The following PTPRD variants were observed in gnomAD, a reference collection of about 807,000 sequenced individuals.
The protein encoded by PTPRD is receptor-type tyrosine-protein phosphatase delta.
PTPRD carries 34 observed loss-of-function variants against 214.5 expected under a neutral mutation model. That is an observed-to-expected ratio of 0.16 (90% CI 0.12 to 0.21). The LOEUF (loss-of-function observed/expected upper bound fraction) is 0.21. PTPRD is among the 10% of genes least tolerant of loss of function. The probability of loss-of-function intolerance (pLI) is 1.00; values close to 1 mark genes in which losing one functional copy is unlikely to be tolerated. For missense variants in PTPRD, 2,545 were observed against 2,398.7 expected (o/e 1.06, Z -1.27); for synonymous variants, 1,128 against 845.7 (o/e 1.33, Z -5.79).
chr9:8,446,226 G>T (rs908690699), intron 34 of PTPRD, among the ~76,000 whole-genome samples: 1 of 152,126 alleles, frequency 6.6e-6, no homozygotes, highest in Non-Finnish European at 1.5e-5. Context: ...GTTCTTTGAC[G>T]TACTTAGATT....
chr9:9,958,394 G>C (rs963646422), intron 4 of PTPRD, among the ~76,000 whole-genome samples: 1 of 152,214 alleles, frequency 6.6e-6, no homozygotes, highest in African/African-American at 2.4e-5. Flanking sequence ...AGCTGGGCGT[G>C]GTGGCACGCA....
chr9:10,416,855 G>A (rs1225531551), intron 2 of PTPRD, among the ~76,000 whole-genome samples: 1 of 151,780 alleles, frequency 6.6e-6, no homozygotes, highest in South Asian at 2.1e-4. Flanking sequence ...GAATTGATGG[G>A]CATAGCAAGG....
At chr9:8,715,751 AATC>A (rs1203305721) in intron 12 of PTPRD, among the ~76,000 whole-genome samples, 1 of 152,258 alleles carries the variant, frequency 6.6e-6, no homozygotes, top group Non-Finnish European at 1.5e-5. Context: ...ATCAAGCAGC[AATC>A]ATGTTTCATT....
At chr9:8,636,552 A>T in intron 13 of PTPRD, 147 bp downstream of exon 13, 1 of 1,068,464 alleles carries the variant, frequency 9.4e-7, no homozygotes, top group Non-Finnish European at 1.3e-6. Flanking sequence ...AAAGCCATTT[A>T]GAGTTACATT....
intron 2 of PTPRD, among the ~76,000 whole-genome samples, chr9:10,392,195 A>C (rs546393638): frequency 1.5e-4 from 23 of 152,084 alleles, no homozygotes; most frequent in African/African-American, 4.6e-4. Flanking sequence ...TGCATTTTCT[A>C]TCGTATAGCA....
chr9:9,479,233 C>T (rs1230052313), intron 8 of PTPRD, among the ~76,000 whole-genome samples: 2 of 110,290 alleles, frequency 1.8e-5, no homozygotes, highest in African/African-American at 6.8e-5. Context: ...CCCCCCCACA[C>T]ACACACCCAC....
At position 8,314,684 on chromosome 9, in the gene PTPRD, C is replaced by G. The variant is rs541182685; in HGVS notation, c.*3190G>C. The G allele has an allele frequency of 2.6e-5, 6 of 231,802 alleles. No homozygotes were observed. The highest frequency in any genetic ancestry group is 3.4e-5 in the Non-Finnish European group (4 of 117,206). 14.4% of individuals were successfully genotyped at this position (231,802 alleles called of 1,614,324 possible). On this transcript the variant is annotated 3_prime_UTR_variant, in exon 46 of 46. Coordinates refer to ENST00000381196, the MANE Select transcript of PTPRD (RefSeq NM_002839.4). ...AAAATAAAAGGACTTAAAGCAAAAC[C>G]GAAAATAAACAGGAAAGAAAAAAAA... is the stretch of plus-strand genomic sequence containing the variant.
intron 3 of PTPRD, among the ~76,000 whole-genome samples, chr9:10,333,354 G>A (rs956628257): frequency 6.6e-6 from 1 of 151,672 alleles, no homozygotes; most frequent in Non-Finnish European, 1.5e-5. Flanking sequence ...TGGAAAGGAG[G>A]GCAGGAAGAC....
At chr9:8,318,793 T>C (rs1436897771) in intron 45 of PTPRD, among the ~76,000 whole-genome samples, 1 of 151,982 alleles carries the variant, frequency 6.6e-6, no homozygotes, top group East Asian at 1.9e-4. Flanking sequence ...TTGGAATAAA[T>C]TGAAGCATTG....
intron 2 of PTPRD, among the ~76,000 whole-genome samples, chr9:10,359,863 AC>A (rs1427582181): frequency 6.6e-6 from 1 of 152,108 alleles, no homozygotes; most frequent in African/African-American, 2.4e-5. Flanking sequence ...TGTAATTATA[AC>A]CCCCATAGAA....
chr9:9,204,713 G>T (rs1395448600), intron 9 of PTPRD, among the ~76,000 whole-genome samples: 1 of 152,174 alleles, frequency 6.6e-6, no homozygotes, highest in South Asian at 2.1e-4. Flanking sequence ...AACATAAATA[G>T]TGAATAGATT....
chr9:8,489,705 G>T (rs1052212396), intron 27 of PTPRD, among the ~76,000 whole-genome samples: 27 of 152,128 alleles, frequency 1.8e-4, no homozygotes, highest in African/African-American at 6.5e-4. Flanking sequence ...TTTATCCAGG[G>T]AATCAGGATA....
intron 4 of PTPRD, among the ~76,000 whole-genome samples, chr9:9,987,714 A>G (rs1327977847): frequency 6.6e-6 from 1 of 152,198 alleles, no homozygotes; most frequent in Admixed American, 6.5e-5. Context: ...GGTTTACCTT[A>G]AAGATTTAAT....
chr9:9,645,224 T>G (rs566043382), intron 7 of PTPRD, among the ~76,000 whole-genome samples: 1 of 152,232 alleles, frequency 6.6e-6, no homozygotes, highest in South Asian at 2.1e-4. Flanking sequence ...CAAGGGAGCC[T>G]TGTGGGCCCT....
intron 11 of PTPRD, among the ~76,000 whole-genome samples, chr9:8,975,111 A>T (rs540522429): frequency 6.6e-6 from 1 of 151,864 alleles, no homozygotes; most frequent in African/African-American, 2.4e-5. Context: ...AAAAAAAAAA[A>T]AAAGATTTTC....
chr9:9,781,296 C>T (rs1378779470), intron 5 of PTPRD, among the ~76,000 whole-genome samples: 1 of 152,084 alleles, frequency 6.6e-6, no homozygotes, highest in Non-Finnish European at 1.5e-5. Flanking sequence ...TTGTTATAAA[C>T]TCAATATTTT....
intron 9 of PTPRD, among the ~76,000 whole-genome samples, chr9:9,308,989 G>T (rs920986256): frequency 6.6e-6 from 1 of 151,974 alleles, no homozygotes; most frequent in Non-Finnish European, 1.5e-5. Flanking sequence ...CTCATTAATA[G>T]CAATTATATG....
chr9:9,839,499 C>T (rs973010784), intron 5 of PTPRD, among the ~76,000 whole-genome samples: 10 of 152,004 alleles, frequency 6.6e-5, no homozygotes, highest in South Asian at 4.2e-4. Context: ...TTACAAGGGA[C>T]ATGAAGGACC....
intron 9 of PTPRD, among the ~76,000 whole-genome samples, chr9:9,375,696 A>G (rs935139711): frequency 3.3e-5 from 5 of 152,200 alleles, no homozygotes; most frequent in African/African-American, 1.2e-4. Flanking sequence ...TAAGTCAGAA[A>G]ACAAAGAATA....
Sources: allele counts gnomAD v4.1 joint callset (sites outside exome capture counted in the v4.1 genomes callset), GRCh38; gene constraint gnomAD v4.1.1; transcripts MANE v1.5; gene names NCBI Gene and HGNC (gene_info 2026-07-23, HGNC 2026-07-21).